MICAL2: variants seen among roughly 807,000 people sequenced by gnomAD.
MICAL2 encodes the protein microtubule associated monooxygenase, calponin and LIM domain containing 2.
MICAL2 carries 77 observed loss-of-function variants against 127.3 expected under a neutral mutation model. The ratio of observed to expected loss-of-function variants is 0.60; its 90% CI spans 0.50 to 0.73. MICAL2 has a LOEUF of 0.73. Ranked by LOEUF, MICAL2 falls within the 30% of genes least tolerant of loss-of-function variation. The pLI is 0.00. For synonymous variants in MICAL2, 570 were observed against 551.1 expected, an observed-to-expected ratio of 1.03 and a Z score of -0.48; for missense variants, 1,351 against 1,434.4, an observed-to-expected ratio of 0.94 and a Z score of 0.94.
chr11:12,178,441 A>T (rs531136538), intron 3 of MICAL2, among the ~76,000 whole-genome samples: 2 of 151,428 alleles, frequency 1.3e-5, no homozygotes, highest in Admixed American at 1.3e-4. Flanking sequence ...AGGCAAAGAC[A>T]TGAATCAATA....
intron 15 of MICAL2, among the ~76,000 whole-genome samples, chr11:12,233,703 A>G (rs1210668389): frequency 2.0e-5 from 3 of 152,218 alleles, no homozygotes; most frequent in Non-Finnish European, 4.4e-5. Context: ...AGGGCGGAAG[A>G]GCTGGAAACA....
At chr11:12,167,655 T>C (rs1855676099) in intron 3 of MICAL2, among the ~76,000 whole-genome samples, 4 of 152,072 alleles carry the variant, frequency 2.6e-5, no homozygotes, top group Admixed American at 1.3e-4. Context: ...GTCCCTGGGG[T>C]GTGAAACTCT....
At chr11:12,143,067 C>T (rs1269515795) in intron 2 of MICAL2, among the ~76,000 whole-genome samples, 3 of 152,162 alleles carry the variant, frequency 2.0e-5, no homozygotes, top group Non-Finnish European at 4.4e-5. Flanking sequence ...TATATGATGA[C>T]AGTCATAGCT....
chr11:12,222,891 C>T (rs1175558265), intron 11 of MICAL2, 148 bp downstream of exon 11: 1 of 1,021,580 alleles, frequency 9.8e-7, no homozygotes, highest in Non-Finnish European at 1.4e-6. Context: ...CAGTTCTTCT[C>T]CCCACTCGAG....
intron 2 of MICAL2, among the ~76,000 whole-genome samples, chr11:12,150,189 CTG>C (rs1247987923): frequency 3.9e-5 from 6 of 152,170 alleles, no homozygotes; most frequent in African/African-American, 1.4e-4. Context: ...ATAGATCTAA[CTG>C]TGGTTGGATT....
At chr11:12,236,850 A>G (rs1188457953) in intron 16 of MICAL2, among the ~76,000 whole-genome samples, 1 of 152,232 alleles carries the variant, frequency 6.6e-6, no homozygotes, top group Non-Finnish European at 1.5e-5. Context: ...TATACACGTC[A>G]TTCAAAAAAA....
intron 21 of MICAL2, among the ~76,000 whole-genome samples, chr11:12,245,933 C>T (rs1860680556): frequency 6.6e-6 from 1 of 152,196 alleles, no homozygotes; most frequent in Admixed American, 6.5e-5. Flanking sequence ...GGCTTGTGCC[C>T]ATAGTTGGTC....
chr11:12,306,284 AT>A (rs59252020), intron 29 of MICAL2, among the ~76,000 whole-genome samples: 43,628 of 149,822 alleles, frequency 0.29, 7,149 homozygotes, highest in African/African-American at 0.45. Flanking sequence ...TTCTTTCAAC[AT>A]TTTTTTTTTG....
intron 3 of MICAL2, among the ~76,000 whole-genome samples, chr11:12,195,258 A>G (rs1406699131): frequency 1.3e-5 from 2 of 152,224 alleles, no homozygotes; most frequent in East Asian, 3.8e-4. Flanking sequence ...CCCTGTCTCT[A>G]AAAACCAAAC....
intron 29 of MICAL2, among the ~76,000 whole-genome samples, chr11:12,303,298 G>T (rs1052085588): frequency 1.3e-5 from 2 of 152,174 alleles, no homozygotes; most frequent in Non-Finnish European, 2.9e-5. Flanking sequence ...TCATGTAGAT[G>T]TTCTCGCTTA....
intron 27 of MICAL2, 181 bp downstream of exon 27, chr11:12,262,718 T>G: frequency 3.4e-6 from 2 of 595,268 alleles, no homozygotes; most frequent in Middle Eastern, 4.6e-4. Context: ...TTGAGACCCA[T>G]GCCTGTGTTC....
chr11:12,158,511 A>C (rs1854435677), intron 2 of MICAL2, among the ~76,000 whole-genome samples: 1 of 152,220 alleles, frequency 6.6e-6, no homozygotes. Context: ...GGAAAAAAAA[A>C]AAACAGATAA....
intron 22 of MICAL2, among the ~76,000 whole-genome samples, chr11:12,251,521 G>A (rs1861545853): frequency 6.7e-6 from 1 of 149,844 alleles, no homozygotes; most frequent in African/African-American, 2.5e-5. Flanking sequence ...ATCAGGTTGG[G>A]AAGGGCAGGT....
At chr11:12,177,213 C>T (rs939056915) in intron 3 of MICAL2, among the ~76,000 whole-genome samples, 1 of 152,122 alleles carries the variant, frequency 6.6e-6, no homozygotes, top group African/African-American at 2.4e-5. Flanking sequence ...GAGGTGGCAT[C>T]TCATGATTTT....
At chr11:12,228,120 G>C (rs1394681212) in intron 15 of MICAL2, among the ~76,000 whole-genome samples, 1 of 152,236 alleles carries the variant, frequency 6.6e-6, no homozygotes. Context: ...CCTGAGGTCA[G>C]GAGTTTGAGA....
At chr11:12,225,866 G>GTAAGGGATATA in intron 13 of MICAL2, 1 of 361,578 alleles carries the variant, frequency 2.8e-6, no homozygotes, top group South Asian at 3.8e-5. Flanking sequence ...AAGAAAAAAA[G>GTAAGGGATATA]TAAGGGATAT....
At chr11:12,354,938 G>A in intron 34 of MICAL2, 3 of 1,342,234 alleles carry the variant, frequency 2.2e-6, no homozygotes, top group East Asian at 2.4e-5. Flanking sequence ...CCAGAGTGGG[G>A]CGCTCTTCCT....
chr11:12,204,397 C>A lies in MICAL2; in HGVS notation c.412C>A (p.Arg138Ser). 6.2e-7 allele frequency: 1 copy of A among 1,612,660 alleles called. No individual in the cohort carries two copies. The highest frequency in any genetic ancestry group is 1.3e-5 in the African/African-American group (1 of 74,926). Residue 138 changes from arginine (R) to serine (S), a missense_variant, in exon 4 of 28, where the codon CGT (arginine) becomes AGT (serine). Around this residue, in one of 2 missense-constraint regions of MICAL2, gnomAD observed 599 missense variants for 714.9 expected, o/e 0.84. Transcript: ENST00000683283. ...HLWPFTIHDL[R>S]GLGAKKFYGK... ...CTGGCCTTTCACCATCCATGACCTT[C>A]GTGGCCTGGGAGCCAAGAAGTTCTA...
intron 32 of MICAL2, among the ~76,000 whole-genome samples, chr11:12,332,632 A>C (rs1269294350): frequency 1.3e-5 from 2 of 151,330 alleles, no homozygotes; most frequent in Non-Finnish European, 3.0e-5. Context: ...TCGGTAGCCC[A>C]AGTTGCCCTG....
Sources: gnomAD v4.1 joint callset for allele counts (sites outside exome capture counted in the v4.1 genomes callset) on GRCh38, gnomAD v4.1.1 for gene constraint, gnomAD v4.1.1 regional missense constraint, MANE v1.5 for transcripts, NCBI Gene and HGNC (gene_info 2026-07-23, HGNC 2026-07-21) for gene names.